Variants in GNPTAB observed in about 807,000 individuals in gnomAD.
The protein encoded by GNPTAB is N-acetylglucosamine-1-phosphate transferase subunits alpha and beta, also known as N-acetylglucosamine-1-phosphotransferase subunits alpha/beta.
In GNPTAB, 92 loss-of-function variants were observed where a neutral mutation model predicts 136.6. The observed-to-expected ratio is 0.67, with a 90% CI of 0.57 to 0.80. The LOEUF is 0.80. Ranked by LOEUF, GNPTAB falls within the 30% of genes least tolerant of loss-of-function variation. GNPTAB has a pLI of 0.00. For missense variants in GNPTAB, 1,343 were observed against 1,501.8 expected, an observed-to-expected ratio of 0.89 and a Z score of 1.75; for synonymous variants, 512 against 535.1, an observed-to-expected ratio of 0.96 and a Z score of 0.60.
At chr12:101,749,385 T>C (rs1952783041) in intron 19 of GNPTAB, among the ~76,000 whole-genome samples, 194 bp from the exon 20 acceptor site, 1 of 152,204 alleles carries the variant, frequency 6.6e-6, no homozygotes, top group African/African-American at 2.4e-5. Flanking sequence ...TAGTAAATAT[T>C]ATACTTGAAT....
Position 101,760,065 on chromosome 12 carries a change from G to C in GNPTAB, c.3214C>G (p.Pro1072Ala). The C allele has an allele frequency of 1.1e-5, 18 of 1,612,890 alleles. No individual in the cohort carries two copies. Among genetic ancestry groups the C allele is most frequent in the South Asian group, 2.2e-5 (2 of 91,048 alleles). The stretch of plus-strand genomic sequence containing the variant: ...TCATAGTAGGATTCCTGAGTTGGTG[G>C]AATATTATTTAGCTGCGTGATATCA... ...PADITQLNNI[P>A]PTQESYYDPN... The change falls in exon 16 of 21, where the codon CCA becomes GCA. Residue 1072 changes from proline to alanine, a missense_variant. By Grantham distance (27) the Pro-to-Ala change is conservative. Transcript: ENST00000299314.
In GNPTAB at chr12:101,765,301, T is replaced by C. The variant is rs1350959490; in HGVS notation, c.1616A>G (p.His539Arg). 6.3e-7 allele frequency: 1 copy of C among 1,599,494 alleles called. No homozygotes were observed. Among genetic ancestry groups the C allele is most frequent in the Non-Finnish European group, 8.6e-7 (1 of 1,167,122 alleles). Residue 539 changes from histidine to arginine, a missense_variant, in exon 13 of 21, where the codon CAT becomes CGT. Physicochemically the swap from His to Arg is conservative, Grantham distance 29. Coordinates refer to ENST00000299314, the MANE Select transcript of GNPTAB (RefSeq NM_024312.5). ...GATCACTTTATACAATTCATGAAAA[T>C]GATCTAGAGGAAAAAACAGAAACAT... Reference protein sequence around the residue: ...GFDAGDCGQDHFHELYKVILL... With the variant: ...GFDAGDCGQDRFHELYKVILL...
chr12:101,763,539 C>G (rs1018935207), intron 13 of GNPTAB, among the ~76,000 whole-genome samples: 1 of 152,128 alleles, frequency 6.6e-6, no homozygotes, highest in Admixed American at 6.5e-5. Context: ...TACTTCTAGG[C>G]AGAGCTAAGG....
intron 1 of GNPTAB, among the ~76,000 whole-genome samples, chr12:101,798,413 G>T (rs1280692519): frequency 6.6e-6 from 1 of 152,126 alleles, no homozygotes; most frequent in African/African-American, 2.4e-5. Flanking sequence ...TGGGGCCCAG[G>T]CATTTAGAAT....
Position 101,764,161 on chromosome 12 carries a change from C to T in GNPTAB, c.2715+41G>A, listed in dbSNP as rs769719413. On this transcript the variant is annotated intron_variant, in intron 13 of 20. Transcript: ENST00000299314. ...TGATATTATCATGAGATTATTTACT[C>T]TTCCTGAGCATGAGAAAGAATGAGG... The T allele has an allele frequency of 3.7e-6, 6 of 1,612,846 alleles. No individual in the cohort carries two copies. In the Admixed American group the frequency reaches 1.0e-4, roughly 27 times the overall value.
rs1357216489 is a variant in GNPTAB, at chr12:101,787,908, C to T, written c.365+640G>A. On this transcript the variant is annotated intron_variant, in intron 4 of 20. Transcript: ENST00000299314. ...AGCCTGGACAACAAGAGCAAAACTC[C>T]GTCTCAAAAAAAAAAAAAAAAAGGC... 9.0e-5 allele frequency among the ~76,000 whole-genome samples: 6 copies of T among 66,628 alleles called. No individual in the cohort carries two copies. In the South Asian group the frequency reaches 3.0e-3, roughly 33 times the overall value. The allele number at this position is 66,628 out of a possible 152,430, so 43.7% of individuals were successfully genotyped here.
intron 1 of GNPTAB, among the ~76,000 whole-genome samples, chr12:101,817,103 T>G (rs532281284): frequency 2.6e-5 from 4 of 151,878 alleles, no homozygotes; most frequent in Non-Finnish European, 5.9e-5. Flanking sequence ...AATAGTTAGA[T>G]AGTCCTGGTG....
At chr12:101,805,211 A>T (rs1244475114) in intron 1 of GNPTAB, among the ~76,000 whole-genome samples, 1 of 152,218 alleles carries the variant, frequency 6.6e-6, no homozygotes, top group Non-Finnish European at 1.5e-5. Flanking sequence ...GTCATAAAAA[A>T]GTTTACTGAA....
chr12:101,779,443 T>C (rs1435481157), intron 7 of GNPTAB: 1 of 153,114 alleles, frequency 6.5e-6, no homozygotes, highest in Non-Finnish European at 1.5e-5. Context: ...ATAAAGGATC[T>C]GAAAACAATA....
At position 101,786,450 on chromosome 12, in the gene GNPTAB, C is replaced by T. The variant is rs6539012; in HGVS notation, c.366-233G>A. Among the ~76,000 whole-genome samples the T allele has an allele frequency of 0.67, 102,264 of 152,082 alleles. 36,088 individuals are homozygous for T. The highest frequency in any genetic ancestry group is 0.92 in the East Asian group (4,758 of 5,176). On this transcript the variant is annotated intron_variant, in intron 4 of 20. Coordinates refer to ENST00000299314, the MANE Select transcript of GNPTAB (RefSeq NM_024312.5). ...GCTTTCAAACTCCCATTAATAAGAT[C>T]CCCACCAATATTTACTAATTCCAAA...
chr12:101,823,990 T>C (rs2137189461), intron 1 of GNPTAB, among the ~76,000 whole-genome samples: 1 of 152,288 alleles, frequency 6.6e-6, no homozygotes, highest in Non-Finnish European at 1.5e-5. Flanking sequence ...GCCAGTGTCT[T>C]CAAGACATCT....
chr12:101,771,834 C>G (rs903751483), intron 7 of GNPTAB, among the ~76,000 whole-genome samples: 1 of 152,202 alleles, frequency 6.6e-6, no homozygotes, highest in Non-Finnish European at 1.5e-5. Flanking sequence ...GCAAGTACAC[C>G]TGCTGGCCAA....
intron 1 of GNPTAB, among the ~76,000 whole-genome samples, chr12:101,807,020 C>T (rs536570359): frequency 2.2e-4 from 33 of 152,154 alleles, no homozygotes; most frequent in African/African-American, 6.5e-4. Flanking sequence ...AACACAGATG[C>T]GAAAACCCTC....
chr12:101,812,105 C>A (rs956601974), intron 1 of GNPTAB, among the ~76,000 whole-genome samples: 1 of 151,748 alleles, frequency 6.6e-6, no homozygotes, highest in Non-Finnish European at 1.5e-5. Flanking sequence ...AAATGCTGGG[C>A]GTGGTGGCAT....
intron 4 of GNPTAB, among the ~76,000 whole-genome samples, chr12:101,787,913 C>CAAAAAA (rs34261197): frequency 7.9e-6 from 1 of 126,914 alleles, no homozygotes; most frequent in Non-Finnish European, 1.6e-5. Context: ...AACTCCGTCT[C>CAAAAAA]AAAAAAAAAA....
intron 1 of GNPTAB, among the ~76,000 whole-genome samples, chr12:101,820,023 C>G (rs1040380605): frequency 6.6e-6 from 1 of 152,140 alleles, no homozygotes; most frequent in Non-Finnish European, 1.5e-5. Flanking sequence ...AGGGTGGTCT[C>G]CTGTCCTTTC....
chr12:101,788,519 T>A, intron 4 of GNPTAB, 29 bp downstream of exon 4: 1 of 1,340,028 alleles, frequency 7.5e-7, no homozygotes, highest in Non-Finnish European at 1.1e-6. Flanking sequence ...CTTCACTTTT[T>A]ACTCTTGAGA....
At chr12:101,761,032 A>G in intron 15 of GNPTAB, 95 bp downstream of exon 15, 1 of 917,090 alleles carries the variant, frequency 1.1e-6, no homozygotes, top group Non-Finnish European at 1.7e-6. Flanking sequence ...TCAGCATCCC[A>G]AAGTGCTGGG....
intron 5 of GNPTAB, among the ~76,000 whole-genome samples, chr12:101,783,523 C>A (rs897342571): frequency 6.6e-6 from 1 of 152,098 alleles, no homozygotes; most frequent in Admixed American, 6.6e-5. Flanking sequence ...AAATGAATTG[C>A]CACTGGAGGA....
Sources: gnomAD v4.1 joint callset for allele counts (sites outside exome capture counted in the v4.1 genomes callset) on GRCh38, gnomAD v4.1.1 for gene constraint, MANE v1.5 for transcripts, NCBI Gene and HGNC (gene_info 2026-07-23, HGNC 2026-07-21) for gene names.